The following RNF10 variants were observed in gnomAD, a reference collection of about 807,000 sequenced individuals.
The protein encoded by RNF10 is ring finger protein 10.
RNF10 carries 38 observed loss-of-function variants against 91.4 expected under a neutral mutation model. That is an observed-to-expected ratio of 0.42 (90% CI 0.32 to 0.54). The LOEUF is 0.54. RNF10 is among the 20% of genes least tolerant of loss of function. The pLI is 0.16. For synonymous variants in RNF10, 364 were observed against 366.3 expected (o/e 0.99, Z 0.07); for missense variants, 945 against 1,012.0 (o/e 0.93, Z 0.90).
At chr12:120,539,846 T>A (rs1565943380) in intron 1 of RNF10, among the ~76,000 whole-genome samples, 1 of 152,042 alleles carries the variant, frequency 6.6e-6, no homozygotes, top group South Asian at 2.1e-4. Context: ...GGAACTTTTT[T>A]TTTTCCCTCA....
chr12:120,555,712 T>G (rs1191847045), intron 4 of RNF10, among the ~76,000 whole-genome samples: 1 of 151,824 alleles, frequency 6.6e-6, no homozygotes, highest in African/African-American at 2.4e-5. Context: ...GTCAGGCTGG[T>G]CTTGAATTCC....
intron 3 of RNF10, among the ~76,000 whole-genome samples, chr12:120,553,043 T>G (rs1873370776): frequency 8.5e-4 from 4 of 4,722 alleles, no homozygotes; most frequent in South Asian, 8.1e-3. Flanking sequence ...GAAAGGTTTT[T>G]TTTTTTTTTT....
chr12:120,565,352 T>G (rs1477767180), intron 11 of RNF10, 76 bp from the exon 12 acceptor site: 4 of 1,400,172 alleles, frequency 2.9e-6, no homozygotes, highest in Non-Finnish European at 4.1e-6. Context: ...TGTTGTGGGT[T>G]TAGCTGCTAA....
intron 14 of RNF10, chr12:120,574,573 G>C: frequency 2.2e-6 from 1 of 455,764 alleles, no homozygotes; most frequent in Non-Finnish European, 4.4e-6. Context: ...TCAGGAGAGA[G>C]TTTAGTTAGT....
chr12:120,559,361 TTG>T (rs960349444), intron 6 of RNF10, among the ~76,000 whole-genome samples: 12 of 151,736 alleles, frequency 7.9e-5, no homozygotes, highest in African/African-American at 2.9e-4. Context: ...TTTGTTTTTT[TTG>T]TGTGTGTGTG....
chr12:120,534,697 A>T lies in RNF10; in HGVS notation c.-115A>T. 1 of 1,390,644 alleles carries T rather than the reference A, an allele frequency of 7.2e-7. No homozygotes were observed. Among genetic ancestry groups the T allele is most frequent in the Non-Finnish European group, 9.2e-7 (1 of 1,082,774 alleles). 86.1% of individuals were successfully genotyped at this position (1,390,644 alleles called of 1,614,324 possible). On this transcript the variant is annotated 5_prime_UTR_variant, in exon 1 of 17. An upstream start codon of the reference 5' UTR is lost. Coordinates refer to ENST00000325954, the MANE Select transcript of RNF10 (RefSeq NM_014868.5). The stretch of plus-strand genomic sequence containing the variant: ...GAAGGAAACAGGGAAAAATGTCGCC[A>T]TGAAGGCCGAGAACCGCTGCCGCCG...
chr12:120,576,587 T>G lies in RNF10; in HGVS notation c.2360-3T>G. Reference sequence around the variant, plus strand: ...TAAGCTGTCTTTCTGTGTCTCCCTTTAGAAGAGAAAGGAGGAAAGAAAAGA... The same window carrying G: ...TAAGCTGTCTTTCTGTGTCTCCCTTGAGAAGAGAAAGGAGGAAAGAAAAGA... On this transcript the variant is annotated splice_region_variant and splice_polypyrimidine_tract_variant and intron_variant, in intron 16 of 16. Coordinates refer to ENST00000325954, the MANE Select transcript of RNF10 (RefSeq NM_014868.5). The G allele has an allele frequency of 6.2e-7, 1 of 1,613,420 alleles. No individual in the cohort carries two copies. Among genetic ancestry groups the G allele is most frequent in the Non-Finnish European group, 8.5e-7 (1 of 1,179,666 alleles).
At chr12:120,560,931 C>T (rs368436753) in intron 7 of RNF10, 45 bp downstream of exon 7, 3 of 1,585,292 alleles carry the variant, frequency 1.9e-6, no homozygotes, top group South Asian at 2.2e-5. Context: ...ACTTTCTCGG[C>T]GTTCTGTGGT....
Position 120,576,824 on chromosome 12 carries a change from T to A in RNF10, c.*158T>A, listed in dbSNP as rs1357133392. 2.2e-6 allele frequency: 2 copies of A among 909,016 alleles called. No homozygotes were observed. Among genetic ancestry groups the A allele is most frequent in the Admixed American group, 2.6e-5 (1 of 37,902 alleles). The allele number at this position is 909,016 out of a possible 1,614,324, so 56.3% of individuals were successfully genotyped here. ...ACAATGTGAGGGGGAACCAAGAAAA[T>A]TTTAAATACAGTGTATTTTCCAGCT... On this transcript the variant is annotated 3_prime_UTR_variant, in exon 17 of 17. Transcript: ENST00000325954.
chr12:120,539,412 G>GT (rs1417964522), intron 1 of RNF10: 1 of 1,288,966 alleles, frequency 7.8e-7, no homozygotes, highest in Admixed American at 2.3e-5. Context: ...AGTTGATTCT[G>GT]TAGTAAGGCC....
chr12:120,536,857 C>CT (rs1179217384), intron 1 of RNF10, among the ~76,000 whole-genome samples: 1 of 152,142 alleles, frequency 6.6e-6, no homozygotes. Context: ...CAATAAATGC[C>CT]TTAAGTTTAT....
Position 120,552,678 on chromosome 12 carries a change from G to C in RNF10, c.534G>C (p.Lys178Asn). 1.2e-6 allele frequency: 2 copies of C among 1,614,038 alleles called. No individual in the cohort carries two copies. The highest frequency in any genetic ancestry group is 1.7e-6 in the Non-Finnish European group (2 of 1,180,000). ...AGTGGGGACATAAGCCTTTTAACAA[G>C]GAACTCTTTTTACAGGCCAAGTGAG... ...RNKWGHKPFNKELFLQANCQF... is the reference protein window; with the variant it reads ...RNKWGHKPFNNELFLQANCQF... Residue 178 changes from lysine (K) to asparagine (N), a missense_variant, in exon 3 of 17, where the codon AAG (lysine) becomes AAC (asparagine). Coordinates refer to ENST00000325954, the MANE Select transcript of RNF10 (RefSeq NM_014868.5).
At position 120,534,612 on chromosome 12, in the gene RNF10, C is replaced by T. The variant is rs1870453039; in HGVS notation, c.-200C>T. 1 of 1,268,188 alleles carries T rather than the reference C, an allele frequency of 7.9e-7. No individual in the cohort carries two copies. The highest frequency in any genetic ancestry group is 4.3e-5 in the Admixed American group (1 of 23,362). 78.6% of individuals were successfully genotyped at this position (1,268,188 alleles called of 1,614,324 possible). ...CCCCGGCCTCCTCGTCCTCGGTCGC[C>T]GCTGCCGCCGGGCTTAACAGCCCCG... On this transcript the variant is annotated 5_prime_UTR_variant, in exon 1 of 17. Coordinates refer to ENST00000325954, the MANE Select transcript of RNF10 (RefSeq NM_014868.5).
intron 3 of RNF10, among the ~76,000 whole-genome samples, chr12:120,553,664 A>G (rs1436072311): frequency 1.3e-5 from 2 of 152,070 alleles, no homozygotes; most frequent in South Asian, 2.1e-4. Context: ...CGGCCTCCCA[A>G]AGTGCTGGGA....
intron 6 of RNF10, 30 bp downstream of exon 6, chr12:120,557,712 A>T: frequency 6.2e-7 from 1 of 1,611,764 alleles, no homozygotes; most frequent in Non-Finnish European, 8.5e-7. Flanking sequence ...GGGACAAATA[A>T]TCCTGGGTAC....
At chr12:120,562,711 T>G (rs1180931278) in intron 7 of RNF10, among the ~76,000 whole-genome samples, 1 of 152,224 alleles carries the variant, frequency 6.6e-6, no homozygotes, top group African/African-American at 2.4e-5. Flanking sequence ...TGAACTAATT[T>G]ACACTCCCCA....
At position 120,571,870 on chromosome 12, in the gene RNF10, GC is replaced by G. The variant is rs1243454250; in HGVS notation, c.2142+580del. ...ACCTAGCCAAAGCAGCTTCCTTGGA[GC>G]TGGGTGGGGGAACGATAGGCTAGTG... On this transcript the variant is annotated intron_variant, in intron 14 of 16. Transcript: ENST00000325954. Among the ~76,000 whole-genome samples the G allele has an allele frequency of 2.0e-5, 3 of 152,280 alleles. No individual in the cohort carries two copies. The East Asian group carries it at 5.8e-4, about 29-fold the overall frequency.
chr12:120,572,546 A>G (rs537155673), intron 14 of RNF10, among the ~76,000 whole-genome samples: 8 of 152,144 alleles, frequency 5.3e-5, no homozygotes, highest in Non-Finnish European at 1.0e-4. Flanking sequence ...CTGGACTTAG[A>G]GATGATTAAC....
intron 6 of RNF10, 119 bp from the exon 7 acceptor site, chr12:120,560,607 C>A: frequency 1.1e-6 from 1 of 877,556 alleles, no homozygotes; most frequent in Non-Finnish European, 1.7e-6. Flanking sequence ...TCTAGGAAAT[C>A]ATGCTAAATT....
Sources: gnomAD v4.1 joint callset for allele counts (sites outside exome capture counted in the v4.1 genomes callset) on GRCh38, gnomAD v4.1.1 for gene constraint, MANE v1.5 for transcripts, NCBI Gene and HGNC (gene_info 2026-07-23, HGNC 2026-07-21) for gene names.